The following GABRA3 variants were observed in gnomAD, a reference collection of about 807,000 sequenced individuals.
GABRA3 encodes the protein gamma-aminobutyric acid receptor subunit alpha-3.
In GABRA3, 10 loss-of-function variants were observed where a neutral mutation model predicts 30.1. The ratio of observed to expected loss-of-function variants is 0.33; its 90% confidence interval spans 0.20 to 0.56. The LOEUF (loss-of-function observed/expected upper bound fraction) is 0.56, where lower values mean the gene tolerates loss of function less well. Ranked by LOEUF, GABRA3 falls within the 20% of genes least tolerant of loss-of-function variation. The probability of loss-of-function intolerance (pLI) is 0.89; values close to 1 mark genes in which losing one functional copy is unlikely to be tolerated. For synonymous variants in GABRA3, 151 were observed against 146.8 expected (o/e 1.03, Z -0.21); for missense variants, 233 against 392.0 (o/e 0.59, Z 3.42).
intron 1 of GABRA3, among the ~76,000 whole-genome samples, chrX:152,433,842 G>A (rs1234675417): frequency 9.1e-6 from 1 of 109,344 alleles, no homozygotes; most frequent in Non-Finnish European, 1.9e-5. Flanking sequence ...AAGACAAGTG[G>A]GTCACTACAG....
intron 1 of GABRA3, among the ~76,000 whole-genome samples, chrX:152,379,111 T>A (rs188359133): frequency 1.3e-4 from 14 of 111,406 alleles, no homozygotes; most frequent in African/African-American, 4.6e-4. Flanking sequence ...GAGTAACAAA[T>A]CTGACCTCAT....
intron 7 of GABRA3, among the ~76,000 whole-genome samples, chrX:152,205,442 C>T (rs929273906): frequency 9.9e-5 from 11 of 111,569 alleles, no homozygotes; most frequent in African/African-American, 3.6e-4. Context: ...TTGTTTATAG[C>T]ATTAAAACAC....
intron 4 of GABRA3, among the ~76,000 whole-genome samples, chrX:152,268,011 C>CCTT (rs55845167): frequency 0.22 from 24,225 of 109,126 alleles, 2,704 homozygotes; most frequent in African/African-American, 0.43. Context: ...TACTATTACA[C>CCTT]CTACTAATTT....
intron 1 of GABRA3, among the ~76,000 whole-genome samples, chrX:152,385,963 G>A (rs1230318499): frequency 9.1e-6 from 1 of 110,147 alleles, no homozygotes; most frequent in African/African-American, 3.3e-5. Context: ...TCTCTGTTTT[G>A]GTACCAGTAC....
intron 5 of GABRA3, among the ~76,000 whole-genome samples, chrX:152,233,037 T>C (rs893882847): frequency 9.0e-6 from 1 of 110,592 alleles, no homozygotes; most frequent in African/African-American, 3.4e-5. Flanking sequence ...GAAAATGGTA[T>C]CTCATTATGG....
At chrX:152,348,748 T>A (rs1178331427) in intron 2 of GABRA3, among the ~76,000 whole-genome samples, 1 of 112,349 alleles carries the variant, frequency 8.9e-6, no homozygotes, top group Non-Finnish European at 1.9e-5. Context: ...AGCACTCTAT[T>A]AAGTGTTCAA....
chrX:152,318,556 C>G (rs1380968724), intron 3 of GABRA3, among the ~76,000 whole-genome samples: 1 of 111,407 alleles, frequency 9.0e-6, no homozygotes, highest in African/African-American at 3.3e-5. Flanking sequence ...CCATGATGAA[C>G]ATAGATGCAA....
intron 3 of GABRA3, among the ~76,000 whole-genome samples, chrX:152,302,215 G>A (rs1939643413): frequency 9.0e-6 from 1 of 110,559 alleles, no homozygotes; most frequent in African/African-American, 3.3e-5. Context: ...TATATTAAAT[G>A]TAGGTGATCT....
chrX:152,436,039 T>G (rs1291671109), intron 1 of GABRA3, among the ~76,000 whole-genome samples: 1 of 111,169 alleles, frequency 9.0e-6, no homozygotes, highest in African/African-American at 3.3e-5. Flanking sequence ...CAATAAAACG[T>G]TATACCATCT....
At chrX:152,421,233 A>G (rs999566951) in intron 1 of GABRA3, among the ~76,000 whole-genome samples, 1 of 110,767 alleles carries the variant, frequency 9.0e-6, no homozygotes, top group African/African-American at 3.3e-5. Context: ...TGCAATTTTC[A>G]AGGAAACAAC....
intron 1 of GABRA3, among the ~76,000 whole-genome samples, chrX:152,376,886 A>T (rs1254984237): frequency 8.9e-6 from 1 of 111,746 alleles, no homozygotes; most frequent in South Asian, 3.7e-4. Flanking sequence ...ACACAACAGA[A>T]AATATATCAC....
intron 3 of GABRA3, among the ~76,000 whole-genome samples, chrX:152,329,290 C>T (rs760874879): frequency 3.5e-4 from 39 of 111,667 alleles, no homozygotes; most frequent in African/African-American, 1.1e-3. Context: ...TTTATAGATT[C>T]AATGCCATCC....
At position 152,167,799 on chromosome X, in the gene GABRA3, C is replaced by T; in HGVS notation, c.*429G>A. On this transcript the variant is annotated 3_prime_UTR_variant, in exon 10 of 10. Coordinates refer to ENST00000370314, the MANE Select transcript of GABRA3 (RefSeq NM_000808.4). ...CGCAGGATCACATGGCCTAGCCTAA[C>T]CTGGCTGCCTAGTAAGTTAGAGTCA... The T allele has an allele frequency of 7.4e-6, 1 of 135,158 alleles. No homozygotes were observed. The highest frequency in any genetic ancestry group is 2.0e-4 in the East Asian group (1 of 4,971). 11.1% of individuals were successfully genotyped at this position (135,158 alleles called of 1,213,427 possible). A position where few individuals can be genotyped will look rare whatever the true frequency, so the allele number is the denominator to read the frequency against.
chrX:152,312,251 A>G (rs889786475), intron 3 of GABRA3, among the ~76,000 whole-genome samples: 6 of 112,193 alleles, frequency 5.3e-5, no homozygotes, highest in Non-Finnish European at 7.5e-5. Flanking sequence ...TAAGGCTACA[A>G]TAACCAAAAC....
intron 3 of GABRA3, among the ~76,000 whole-genome samples, chrX:152,290,566 T>A (rs1310962147): frequency 8.9e-6 from 1 of 112,163 alleles, no homozygotes; most frequent in Admixed American, 9.5e-5. Flanking sequence ...GCTTTTGGTG[T>A]TTTAGTCATC....
intron 3 of GABRA3, among the ~76,000 whole-genome samples, 168 bp downstream of exon 3, chrX:152,345,413 C>T (rs1390224577): frequency 8.9e-6 from 1 of 111,736 alleles, no homozygotes; most frequent in East Asian, 2.8e-4. Context: ...AAATCACCTA[C>T]TGAAATGAAG....
chrX:152,378,489 A>G (rs1488202112), intron 1 of GABRA3, among the ~76,000 whole-genome samples: 10 of 111,849 alleles, frequency 8.9e-5, no homozygotes, highest in Non-Finnish European at 1.9e-4. Flanking sequence ...CTAAATCTAA[A>G]TAAAAATAGA....
At chrX:152,369,850 T>C (rs1398712111) in intron 1 of GABRA3, among the ~76,000 whole-genome samples, 2 of 111,457 alleles carry the variant, frequency 1.8e-5, no homozygotes, top group African/African-American at 3.3e-5. Flanking sequence ...ATCTGACAAA[T>C]AATGAGTACT....
intron 3 of GABRA3, among the ~76,000 whole-genome samples, chrX:152,287,255 G>C (rs1399076709): frequency 9.0e-6 from 1 of 111,675 alleles, no homozygotes; most frequent in Non-Finnish European, 1.9e-5. Flanking sequence ...AAGAGAGATA[G>C]TAGGGAAAAG....
Sources: gnomAD v4.1 joint callset for allele counts (sites outside exome capture counted in the v4.1 genomes callset) on GRCh38, gnomAD v4.1.1 for gene constraint, MANE v1.5 for transcripts, NCBI Gene and HGNC (gene_info 2026-07-23, HGNC 2026-07-21) for gene names.